STK24: variants seen among roughly 807,000 people sequenced by gnomAD.
STK24 encodes serine/threonine-protein kinase 24.
In STK24, 21 loss-of-function variants were observed where a neutral mutation model predicts 55.6. The ratio of observed to expected loss-of-function variants is 0.38; its 90% CI spans 0.27 to 0.54. The LOEUF (loss-of-function observed/expected upper bound fraction) is 0.54. STK24 is among the 20% of genes least tolerant of loss of function. The probability of loss-of-function intolerance (pLI) is 0.79; values close to 1 mark genes in which losing one functional copy is unlikely to be tolerated. For missense variants in STK24, 383 were observed against 538.4 expected (o/e 0.71, Z 2.86); for synonymous variants, 200 against 215.2 (o/e 0.93, Z 0.62).
chr13:98,510,362 T>C (rs1361711941), intron 2 of STK24, among the ~76,000 whole-genome samples: 1 of 152,242 alleles, frequency 6.6e-6, no homozygotes, highest in African/African-American at 2.4e-5. Context: ...CTAGCTACTC[T>C]GATACTGGAA....
chr13:98,478,136 A>T (rs567997592), intron 3 of STK24, among the ~76,000 whole-genome samples: 38 of 152,300 alleles, frequency 2.5e-4, no homozygotes, highest in Middle Eastern at 6.8e-3. Flanking sequence ...GGACCAGGCC[A>T]AGCTCTCCAA....
chr13:98,535,170 T>G (rs1197585856), intron 1 of STK24, among the ~76,000 whole-genome samples: 1 of 151,952 alleles, frequency 6.6e-6, no homozygotes, highest in African/African-American at 2.4e-5. Flanking sequence ...CCAGCGTGTA[T>G]TTACTAAAAA....
Position 98,446,486 on chromosome 13 carries a change from G to GGACTT in STK24, c.*6682_*6686dup, listed in dbSNP as rs571876902. On this transcript the variant is annotated 3_prime_UTR_variant, in exon 11 of 11. Coordinates refer to ENST00000539966, the MANE Select transcript of STK24 (RefSeq NM_001032296.4). Reference sequence around the variant, plus strand: ...CTTTATCTACAGCTCAGTCCTGGCGGGACTTGCCACCCGGGCCATCACGTA... The same window carrying GGACTT: ...CTTTATCTACAGCTCAGTCCTGGCGGGACTTGACTTGCCACCCGGGCCATCACGTA... 2.7e-3 allele frequency: 1,764 copies of GGACTT among 648,742 alleles called. 23 individuals are homozygous for GGACTT. The African/African-American group carries it at 0.029, about 11-fold the overall frequency. 40.2% of individuals were successfully genotyped at this position (648,742 alleles called of 1,614,324 possible). A position where few individuals can be genotyped will look rare whatever the true frequency, so the allele number is the denominator to read the frequency against.
chr13:98,572,364 C>A (rs928260625), intron 1 of STK24, among the ~76,000 whole-genome samples: 1 of 152,166 alleles, frequency 6.6e-6, no homozygotes, highest in African/African-American at 2.4e-5. Flanking sequence ...CAGTGACACA[C>A]CAACCTTCCC....
chr13:98,517,258 T>G (rs1896099736), intron 2 of STK24, among the ~76,000 whole-genome samples: 1 of 152,226 alleles, frequency 6.6e-6, no homozygotes, highest in East Asian at 1.9e-4. Context: ...CTGAAGTAAT[T>G]TCACAGGGAA....
chr13:98,472,366 G>GC (rs1894185153), intron 5 of STK24, among the ~76,000 whole-genome samples: 1 of 152,202 alleles, frequency 6.6e-6, no homozygotes, highest in Non-Finnish European at 1.5e-5. Context: ...GGGAGGACTT[G>GC]CCCTTCAAGG....
Position 98,574,347 on chromosome 13 carries a change from G to A in STK24, c.42+2398C>T, listed in dbSNP as rs114416910. Among the ~76,000 whole-genome samples the A allele has an allele frequency of 7.1e-3, 1,085 of 152,292 alleles. 8 individuals carry two copies. The highest frequency in any genetic ancestry group is 0.024 in the African/African-American group (981 of 41,552). ...GCCCTGGTCAGGAGACAAGAAAAAG[G>A]GAGGGCTATGAGGCCTATCAGAGCA... is the stretch of plus-strand genomic sequence containing the variant. On this transcript the variant is annotated intron_variant, in intron 1 of 10. Transcript: ENST00000539966.
intron 5 of STK24, among the ~76,000 whole-genome samples, chr13:98,473,608 C>T (rs9517318): frequency 0.076 from 11,614 of 152,212 alleles, 510 homozygotes; most frequent in Non-Finnish European, 0.099. Context: ...AGAGACACTC[C>T]CAGGCAAGGG....
chr13:98,546,184 C>T (rs1268515548), intron 1 of STK24, among the ~76,000 whole-genome samples: 1 of 152,188 alleles, frequency 6.6e-6, no homozygotes, highest in Non-Finnish European at 1.5e-5. Context: ...TAGTGCCACC[C>T]CCACTGTCCC....
chr13:98,488,331 T>C (rs1894886472), intron 2 of STK24, among the ~76,000 whole-genome samples: 1 of 152,170 alleles, frequency 6.6e-6, no homozygotes, highest in Non-Finnish European at 1.5e-5. Flanking sequence ...TGCTGAAGGC[T>C]CCCAGTCTGC....
In STK24 at chr13:98,519,256, C is replaced by A. The variant is rs1462644419; in HGVS notation, c.260G>T (p.Gly87Val). The A allele has an allele frequency of 1.2e-6, 2 of 1,613,992 alleles. No individual in the cohort carries two copies. The highest frequency in any genetic ancestry group is 1.7e-5 in the Admixed American group (1 of 60,026). The stretch of plus-strand genomic sequence containing the variant: ...TTTAAGCCTTACCTTCAGATAGGAT[C>A]CATAATATTTGGTTACATATGGACT... The part of the protein sequence containing the change: ...CDSPYVTKYY[G>V]SYLKDTKLWI... Residue 87 changes from glycine to valine, a missense_variant, in exon 2 of 11, where the codon GGA (glycine) becomes GTA (valine). Gly to Val is a moderately radical substitution (Grantham distance 109). Coordinates refer to ENST00000539966, the MANE Select transcript of STK24 (RefSeq NM_001032296.4).
chr13:98,456,965 G>A (rs1352558763), intron 10 of STK24: 1 of 676,160 alleles, frequency 1.5e-6, no homozygotes, highest in East Asian at 2.8e-5. Context: ...GGGCTTTCCA[G>A]TAGTTTCCAG....
chr13:98,475,717 G>A (rs568502825), intron 3 of STK24, among the ~76,000 whole-genome samples: 20 of 152,308 alleles, frequency 1.3e-4, no homozygotes, highest in Admixed American at 2.0e-4. Flanking sequence ...CCCGGCCTGC[G>A]CCTGCAGCTG....
intron 1 of STK24, among the ~76,000 whole-genome samples, chr13:98,572,055 C>T (rs1897756936): frequency 6.6e-6 from 1 of 152,252 alleles, no homozygotes; most frequent in African/African-American, 2.4e-5. Context: ...AGCTCCAGGA[C>T]CGATCTAGAT....
chr13:98,463,443 A>C (rs1490631129), intron 7 of STK24, among the ~76,000 whole-genome samples: 1 of 152,226 alleles, frequency 6.6e-6, no homozygotes, highest in Non-Finnish European at 1.5e-5. Context: ...AGAATGAAAC[A>C]GCCAGGTCCA....
intron 1 of STK24, among the ~76,000 whole-genome samples, chr13:98,543,604 G>A (rs1358927041): frequency 6.6e-6 from 1 of 152,162 alleles, no homozygotes; most frequent in Non-Finnish European, 1.5e-5. Flanking sequence ...CAGAGAGACA[G>A]AGAATACAGA....
Position 98,448,041 on chromosome 13 carries a change from A to C in STK24, c.*5132T>G, listed in dbSNP as rs527425822. The C allele has an allele frequency of 1.2e-5, 7 of 602,122 alleles. No homozygotes were observed. Among genetic ancestry groups the C allele is most frequent in the Admixed American group, 8.6e-5 (3 of 35,012 alleles). 37.3% of individuals were successfully genotyped at this position (602,122 alleles called of 1,614,324 possible). ...GGTACTTCCAGCTCCACACTGAGTG[A>C]GTGCCCAGGCCAGTGGGTCTCCACT... On this transcript the variant is annotated 3_prime_UTR_variant, in exon 11 of 11. Transcript: ENST00000539966.
chr13:98,523,277 G>A (rs926321937), intron 1 of STK24, among the ~76,000 whole-genome samples: 1 of 152,178 alleles, frequency 6.6e-6, no homozygotes, highest in African/African-American at 2.4e-5. Context: ...ACTAAGAGTG[G>A]CCTTTCCTTT....
At chr13:98,513,384 C>T (rs1169382750) in intron 2 of STK24, among the ~76,000 whole-genome samples, 3 of 152,222 alleles carry the variant, frequency 2.0e-5, no homozygotes, top group Non-Finnish European at 2.9e-5. Flanking sequence ...GACATTCGGG[C>T]TGGGTGAGTC....
Sources: allele counts gnomAD v4.1 joint callset (sites outside exome capture counted in the v4.1 genomes callset), GRCh38; gene constraint gnomAD v4.1.1; transcripts MANE v1.5; gene names NCBI Gene and HGNC (gene_info 2026-07-23, HGNC 2026-07-21).